STPG2: variants seen among roughly 807,000 people sequenced by gnomAD.
STPG2 encodes the protein sperm-tail PG-rich repeat-containing protein 2.
Under a neutral mutation model 54.2 loss-of-function variants are expected in STPG2, and 56 were observed. The observed-to-expected ratio is 1.03, with a 90% confidence interval of 0.83 to 1.29. The LOEUF is 1.29. Ranked by LOEUF, STPG2 falls within the 50% of genes most tolerant of loss-of-function variation. The pLI is 0.00. For synonymous variants in STPG2, 200 were observed against 181.8 expected (o/e 1.10, Z -0.81); for missense variants, 596 against 544.9 (o/e 1.09, Z -0.93).
intron 4 of STPG2, among the ~76,000 whole-genome samples, chr4:97,500,256 A>G (rs1245141341): frequency 6.6e-6 from 1 of 152,114 alleles, no homozygotes; most frequent in Admixed American, 6.6e-5. Flanking sequence ...AAGTGAGTCA[A>G]GTATGTCTGC....
At chr4:97,734,009 C>T (rs1422296416) in intron 9 of STPG2, among the ~76,000 whole-genome samples, 3 of 152,072 alleles carry the variant, frequency 2.0e-5, no homozygotes, top group Admixed American at 6.6e-5. Flanking sequence ...ATTTTTCTTG[C>T]CTAATTGCTC....
At chr4:97,698,685 T>C (rs1190317935) in intron 10 of STPG2, among the ~76,000 whole-genome samples, 1 of 152,048 alleles carries the variant, frequency 6.6e-6, no homozygotes, top group Non-Finnish European at 1.5e-5. Context: ...AACAATGCCA[T>C]ATATTGGAGG....
At chr4:97,493,316 T>C (rs940199549) in intron 4 of STPG2, among the ~76,000 whole-genome samples, 1 of 151,438 alleles carries the variant, frequency 6.6e-6, no homozygotes, top group Admixed American at 6.6e-5. Flanking sequence ...TGTTTGAAGT[T>C]ACTAACTTCT....
intron 9 of STPG2, among the ~76,000 whole-genome samples, chr4:97,783,973 C>T (rs548337171): frequency 5.3e-5 from 8 of 150,238 alleles, no homozygotes; most frequent in Non-Finnish European, 8.9e-5. Flanking sequence ...ATGTAAATGA[C>T]GAGTTAATGG....
intron 8 of STPG2, among the ~76,000 whole-genome samples, chr4:97,943,478 C>T (rs1046197851): frequency 1.3e-5 from 2 of 152,074 alleles, no homozygotes; most frequent in Admixed American, 1.3e-4. Context: ...TATAGCCATA[C>T]CATTTAACAT....
intron 9 of STPG2, among the ~76,000 whole-genome samples, chr4:97,776,172 T>A (rs1560522845): frequency 6.6e-6 from 1 of 152,252 alleles, no homozygotes; most frequent in Non-Finnish European, 1.5e-5. Context: ...TCATTTTACA[T>A]GTATGTATAT....
intron 9 of STPG2, among the ~76,000 whole-genome samples, chr4:97,717,163 A>C (rs538686143): frequency 5.8e-4 from 88 of 152,272 alleles, no homozygotes; most frequent in Non-Finnish European, 1.0e-3. Context: ...ACAGTCTATT[A>C]AATTGAGCTA....
At chr4:97,498,149 T>C (rs1482814399) in intron 4 of STPG2, among the ~76,000 whole-genome samples, 7 of 151,988 alleles carry the variant, frequency 4.6e-5, no homozygotes, top group African/African-American at 1.7e-4. Flanking sequence ...AAGAAAAACA[T>C]AGTCTAGTCC....
intron 9 of STPG2, among the ~76,000 whole-genome samples, chr4:97,773,313 T>G (rs948552658): frequency 6.6e-6 from 1 of 151,840 alleles, no homozygotes; most frequent in Non-Finnish European, 1.5e-5. Context: ...TACTGTATAA[T>G]TTATTATTAT....
Position 97,505,283 on chromosome 4 carries a change from T to C in STPG2, c.462+207416A>G, listed in dbSNP as rs548971571. Reference sequence around the variant, plus strand: ...AATGGCATTCCTACCATTTTTATCATGAGTACCCTCAGGTGATGTTTGCTT... The same window carrying C: ...AATGGCATTCCTACCATTTTTATCACGAGTACCCTCAGGTGATGTTTGCTT... On this transcript the variant is annotated intron_variant, in intron 4 of 4. Transcript: ENST00000522676. Among the ~76,000 whole-genome samples the C allele has an allele frequency of 2.0e-5, 3 of 152,078 alleles. No homozygotes were observed. The South Asian group carries it at 6.2e-4, about 31-fold the overall frequency.
intron 5 of STPG2, among the ~76,000 whole-genome samples, chr4:98,089,547 C>A (rs997248694): frequency 1.3e-5 from 2 of 151,668 alleles, no homozygotes; most frequent in Non-Finnish European, 2.9e-5. Flanking sequence ...GTAATGACTT[C>A]TTTTCCTTTG....
chr4:97,675,294 C>T (rs914836030), intron 10 of STPG2, among the ~76,000 whole-genome samples: 4 of 152,052 alleles, frequency 2.6e-5, no homozygotes, highest in Non-Finnish European at 5.9e-5. Flanking sequence ...TGAGCCACCG[C>T]GCCTGGCCTG....
intron 8 of STPG2, among the ~76,000 whole-genome samples, chr4:97,847,878 T>G (rs1308970505): frequency 1.3e-5 from 2 of 152,214 alleles, no homozygotes; most frequent in African/African-American, 4.8e-5. Flanking sequence ...GTTATATCTA[T>G]TGTAACCTCT....
intron 10 of STPG2, among the ~76,000 whole-genome samples, chr4:97,591,921 C>A (rs986412224): frequency 6.6e-6 from 1 of 152,130 alleles, no homozygotes; most frequent in Non-Finnish European, 1.5e-5. Context: ...ATTCCCTGTA[C>A]ATAGTATATC....
chr4:97,705,608 G>A (rs1025903960), intron 10 of STPG2, among the ~76,000 whole-genome samples: 5 of 151,988 alleles, frequency 3.3e-5, no homozygotes, highest in Admixed American at 1.3e-4. Context: ...TTACAGGTGT[G>A]AGCCACTGTG....
chr4:97,595,455 A>AG (rs1353499402), intron 10 of STPG2, among the ~76,000 whole-genome samples: 7 of 151,460 alleles, frequency 4.6e-5, no homozygotes, highest in African/African-American at 1.7e-4. Context: ...GTCATGGGGT[A>AG]GGGGGAGAGG....
At chr4:97,466,417 C>A (rs1729790194) in intron 4 of STPG2, among the ~76,000 whole-genome samples, 1 of 152,002 alleles carries the variant, frequency 6.6e-6, no homozygotes, top group African/African-American at 2.4e-5. Context: ...GAGTCAAGCA[C>A]TGCCTCTTAA....
At chr4:97,835,887 G>A (rs1420857343) in intron 9 of STPG2, among the ~76,000 whole-genome samples, 1 of 152,024 alleles carries the variant, frequency 6.6e-6, no homozygotes, top group Non-Finnish European at 1.5e-5. Context: ...GGTGGAAACA[G>A]CAAAATAACT....
At position 98,143,430 on chromosome 4, in the gene STPG2, A is replaced by G. The variant is rs1740362007; in HGVS notation, c.-280T>C. Among the ~76,000 whole-genome samples the G allele has an allele frequency of 6.6e-6, 1 of 152,182 alleles. No individual in the cohort carries two copies. Among genetic ancestry groups the G allele is most frequent in the African/African-American group, 2.4e-5 (1 of 41,448 alleles). ...TCAGTTTGCCAGGTGCACGCCACCA[A>G]AATTGGGTATTAGGGATTAGACGCT... On this transcript the variant is annotated 5_prime_UTR_variant, in exon 1 of 11. Transcript: ENST00000295268.
Sources: gnomAD v4.1 joint callset for allele counts (sites outside exome capture counted in the v4.1 genomes callset) on GRCh38, gnomAD v4.1.1 for gene constraint, MANE v1.5 for transcripts, NCBI Gene and HGNC (gene_info 2026-07-23, HGNC 2026-07-21) for gene names.